The following GLI3 variants were observed in gnomAD, a reference collection of about 807,000 sequenced individuals.
GLI3 encodes the protein transcription activator GLI3.
GLI3 carries 20 observed loss-of-function variants against 100.8 expected under a neutral mutation model. The ratio of observed to expected loss-of-function variants is 0.20; its 90% CI spans 0.14 to 0.29. The LOEUF is 0.29. Among genes scored for constraint, GLI3 ranks in the 10% least tolerant of loss-of-function variants. The pLI is 1.00. For synonymous variants in GLI3, 938 were observed against 860.5 expected (o/e 1.09, Z -1.58); for missense variants, 2,040 against 2,128.5 (o/e 0.96, Z 0.82).
intron 4 of GLI3, among the ~76,000 whole-genome samples, chr7:42,068,546 C>T (rs6959829): frequency 0.17 from 25,567 of 152,104 alleles, 2,930 homozygotes; most frequent in African/African-American, 0.33. Context: ...TTACTTCATA[C>T]TCAAAAAGTT....
intron 3 of GLI3, among the ~76,000 whole-genome samples, chr7:42,117,908 G>T (rs144365304): frequency 2.0e-4 from 30 of 152,246 alleles, no homozygotes; most frequent in South Asian, 1.0e-3. Context: ...AGTAGCTGCC[G>T]CTGTCTCCAT....
intron 2 of GLI3, among the ~76,000 whole-genome samples, chr7:42,154,629 C>G (rs1786957600): frequency 6.6e-6 from 1 of 152,228 alleles, no homozygotes; most frequent in Admixed American, 6.5e-5. Flanking sequence ...CTCCCCAAGA[C>G]TGACCAAAGA....
intron 13 of GLI3, among the ~76,000 whole-genome samples, chr7:41,971,767 C>T (rs1240021407): frequency 6.6e-6 from 1 of 152,184 alleles, no homozygotes; most frequent in African/African-American, 2.4e-5. Context: ...CCCCTGTGCT[C>T]CTCTGCCTCC....
chr7:41,992,833 G>C (rs991493837), intron 10 of GLI3, among the ~76,000 whole-genome samples: 2 of 152,160 alleles, frequency 1.3e-5, no homozygotes, highest in African/African-American at 4.8e-5. Context: ...GTAAGTTTGG[G>C]GGGATCAGAC....
At chr7:42,179,524 T>G (rs896974464) in intron 2 of GLI3, among the ~76,000 whole-genome samples, 1 of 152,110 alleles carries the variant, frequency 6.6e-6, no homozygotes, top group Non-Finnish European at 1.5e-5. Flanking sequence ...GACAACAGAC[T>G]CTAGTAAAGC....
intron 11 of GLI3, 143 bp downstream of exon 11, chr7:41,978,454 CGA>C: frequency 1.3e-6 from 1 of 799,242 alleles, no homozygotes; most frequent in Non-Finnish European, 2.2e-6. Context: ...ACTCAAACAC[CGA>C]GGCATTTATC....
chr7:41,985,339 A>G (rs1220261629), intron 10 of GLI3, among the ~76,000 whole-genome samples: 1 of 152,248 alleles, frequency 6.6e-6, no homozygotes, highest in Non-Finnish European at 1.5e-5. Flanking sequence ...TACACTGAAC[A>G]GGATTCGATA....
chr7:42,247,924 G>A (rs945657260), intron 1 of GLI3, among the ~76,000 whole-genome samples: 1 of 152,206 alleles, frequency 6.6e-6, no homozygotes, highest in African/African-American at 2.4e-5. Flanking sequence ...GAATAACAAT[G>A]CTGCTTTTGA....
intron 3 of GLI3, among the ~76,000 whole-genome samples, chr7:42,130,343 T>C (rs1328365586): frequency 6.6e-6 from 1 of 152,014 alleles, no homozygotes; most frequent in Admixed American, 6.5e-5. Context: ...CTAGGTTTTA[T>C]GAGGAGAAAA....
At chr7:42,251,107 A>G (rs928724058) in intron 1 of GLI3, among the ~76,000 whole-genome samples, 1 of 152,206 alleles carries the variant, frequency 6.6e-6, no homozygotes, top group Non-Finnish European at 1.5e-5. Flanking sequence ...AAAAGTGACC[A>G]TGCCCTTGTT....
chr7:41,976,858 A>G (rs896300862), intron 12 of GLI3, among the ~76,000 whole-genome samples: 1 of 152,202 alleles, frequency 6.6e-6, no homozygotes, highest in African/African-American at 2.4e-5. Context: ...AAATGTAAGC[A>G]ATGAATTTGG....
rs544942740 is a variant in GLI3, at chr7:42,084,716, CTTAA to C, written c.368-7863_368-7860del. Among the ~76,000 whole-genome samples the C allele has an allele frequency of 1.4e-3, 214 of 152,224 alleles. 1 individual carries two copies. The highest frequency in any genetic ancestry group is 5.0e-3 in the African/African-American group (208 of 41,544). ...TCACATGTAAACATATAAGGAATCA[CTTAA>C]AAGTGACAAATCTGTTTACTTTGAA... On this transcript the variant is annotated intron_variant, in intron 3 of 14. Coordinates refer to ENST00000395925, the MANE Select transcript of GLI3 (RefSeq NM_000168.6).
At chr7:42,015,471 TA>T (rs962191862) in intron 10 of GLI3, among the ~76,000 whole-genome samples, 4 of 151,102 alleles carry the variant, frequency 2.6e-5, no homozygotes, top group African/African-American at 4.9e-5. Context: ...CCCCAAATCT[TA>T]AAAAAAAAGT....
chr7:42,033,698 C>T (rs1789358677), intron 7 of GLI3, among the ~76,000 whole-genome samples: 1 of 152,178 alleles, frequency 6.6e-6, no homozygotes, highest in African/African-American at 2.4e-5. Flanking sequence ...CACTGCACAA[C>T]AGCTGCCATC....
At chr7:42,134,030 G>A (rs369014580) in intron 3 of GLI3, among the ~76,000 whole-genome samples, 3 of 148,974 alleles carry the variant, frequency 2.0e-5, no homozygotes, top group East Asian at 2.0e-4. Flanking sequence ...GCAGTGAGCC[G>A]AGATTGTGCC....
At chr7:42,206,424 C>A (rs915493311) in intron 2 of GLI3, among the ~76,000 whole-genome samples, 4 of 150,708 alleles carry the variant, frequency 2.7e-5, no homozygotes, top group African/African-American at 7.5e-5. Context: ...TGCTTAAAAC[C>A]TCTTCTCTTT....
intron 2 of GLI3, among the ~76,000 whole-genome samples, chr7:42,161,453 A>G (rs1787129234): frequency 6.6e-6 from 1 of 152,192 alleles, no homozygotes; most frequent in Admixed American, 6.5e-5. Context: ...TTGTCCTCTG[A>G]CCTACCTTGT....
intron 2 of GLI3, among the ~76,000 whole-genome samples, chr7:42,207,730 C>T (rs1163711840): frequency 6.6e-6 from 1 of 152,198 alleles, no homozygotes; most frequent in Non-Finnish European, 1.5e-5. Flanking sequence ...ATATGGTTAC[C>T]TGAACAGAGA....
intron 3 of GLI3, among the ~76,000 whole-genome samples, chr7:42,081,045 G>A (rs1258894924): frequency 3.9e-5 from 6 of 152,168 alleles, no homozygotes; most frequent in African/African-American, 9.7e-5. Context: ...AAAGTCAGGC[G>A]AAAACTGCTG....
Sources: allele counts gnomAD v4.1 joint callset (sites outside exome capture counted in the v4.1 genomes callset), GRCh38; gene constraint gnomAD v4.1.1; transcripts MANE v1.5; gene names NCBI Gene and HGNC (gene_info 2026-07-23, HGNC 2026-07-21).